NDUFA11: variants seen among roughly 807,000 people sequenced by gnomAD.
NDUFA11 encodes the protein NADH dehydrogenase [ubiquinone] 1 alpha subcomplex subunit 11.
NDUFA11 carries 14 observed loss-of-function variants against 11.3 expected under a neutral mutation model. The observed-to-expected ratio is 1.24, with a 90% confidence interval of 0.82 to 1.94. NDUFA11 has a LOEUF of 1.94. Ranked by LOEUF, NDUFA11 falls within the 30% of genes most tolerant of loss-of-function variation. The probability of loss-of-function intolerance (pLI) is 0.00; values close to 1 mark genes in which losing one functional copy is unlikely to be tolerated. For missense variants in NDUFA11, 204 were observed against 200.3 expected, an observed-to-expected ratio of 1.02 and a Z score of -0.11; for synonymous variants, 87 against 85.6, an observed-to-expected ratio of 1.02 and a Z score of -0.09.
At chr19:5,901,746 T>C (rs1261191309) in intron 1 of NDUFA11, among the ~76,000 whole-genome samples, 1 of 151,476 alleles carries the variant, frequency 6.6e-6, no homozygotes, top group Non-Finnish European at 1.5e-5. Context: ...CTCGGCTCAC[T>C]GCAAGCTCCG....
chr19:5,896,782 CG>C lies in NDUFA11; in HGVS notation c.190+122del, dbSNP rs533341024. On this transcript the variant is annotated intron_variant, in intron 2 of 3. Transcript: ENST00000308961. The surrounding 1 kb of genome is among the most constrained non-coding windows in gnomAD (Gnocchi z 5.8). ...TGATAAAGGAACACCCCACTTTCTC[CG>C]GATGGCCAGCACTGTGGACACGGGC... 5.3e-4 allele frequency: 634 copies of C among 1,187,300 alleles called. 2 individuals are homozygous for C. In the African/African-American group the frequency reaches 8.2e-3, roughly 15 times the overall value. 73.5% of individuals were successfully genotyped at this position (1,187,300 alleles called of 1,614,324 possible). A position where few individuals can be genotyped will look rare whatever the true frequency, so the allele number is the denominator to read the frequency against.
chr19:5,897,764 G>T (rs2057620001), intron 1 of NDUFA11, among the ~76,000 whole-genome samples: 1 of 152,226 alleles, frequency 6.6e-6, no homozygotes, highest in Non-Finnish European at 1.5e-5. Flanking sequence ...GGTAGGTGGT[G>T]GGGACGGAGG....
At chr19:5,902,869 G>C (rs2144962863) in intron 1 of NDUFA11, among the ~76,000 whole-genome samples, 1 of 152,256 alleles carries the variant, frequency 6.6e-6, no homozygotes, top group African/African-American at 2.4e-5. Flanking sequence ...TAATTAGCCA[G>C]GCGCGGTGGC....
In NDUFA11 at chr19:5,903,767, C is replaced by T. The variant is rs1163879670; in HGVS notation, c.-59G>A. On this transcript the variant is annotated 5_prime_UTR_variant, in exon 1 of 4. Coordinates refer to ENST00000308961, the MANE Select transcript of NDUFA11 (RefSeq NM_175614.5). ...GCCAGCTCGGGAAGCGCAAGGGCAG[C>T]CGCGGCTGGCTATCGCGAGACTTCT... is the stretch of plus-strand genomic sequence containing the variant. 11 of 1,517,582 alleles carry T rather than the reference C, an allele frequency of 7.2e-6. No homozygotes were observed. Among genetic ancestry groups the T allele is most frequent in the East Asian group, 2.5e-5 (1 of 40,744 alleles). 94.0% of individuals were successfully genotyped at this position (1,517,582 alleles called of 1,614,324 possible). A position where few individuals can be genotyped will look rare whatever the true frequency, so the allele number is the denominator to read the frequency against.
At chr19:5,893,613 T>A (rs554927989), downstream of NDUFA11, among the ~76,000 whole-genome samples, 87 of 151,982 alleles carry the variant, frequency 5.7e-4, no homozygotes, top group African/African-American at 1.7e-3. This position sits in a 1 kb window ranked among gnomAD's most constrained non-coding sequence, Gnocchi z 4.1. Context: ...CAACATTTTT[T>A]AAAAAAATTA....
rs902710256 is a variant in NDUFA11, at chr19:5,898,377, G to A, written c.98-1380C>T. ...CATGTTGGTTCTGTCCCTCAAGAGC[G>A]ACTGAGGGGACTCTCACATCCAGCA... On this transcript the variant is annotated intron_variant, in intron 1 of 3. Transcript: ENST00000308961. Among the ~76,000 whole-genome samples the A allele has an allele frequency of 2.0e-5, 3 of 152,296 alleles. No homozygotes were observed. In the East Asian group the frequency reaches 5.8e-4, roughly 29 times the overall value.
intron 1 of NDUFA11, among the ~76,000 whole-genome samples, chr19:5,897,831 G>C (rs2057620502): frequency 6.6e-6 from 1 of 152,186 alleles, no homozygotes; most frequent in African/African-American, 2.4e-5. Context: ...AGTGAGGCTG[G>C]GCAGTCCCTT....
At chr19:5,893,109 C>T (rs549329796), downstream of NDUFA11, 321 of 1,536,072 alleles carry the variant, frequency 2.1e-4, no homozygotes, top group South Asian at 3.2e-4. This position sits in a 1 kb window ranked among gnomAD's most constrained non-coding sequence, Gnocchi z 4.1. Context: ...TGCTGGAACA[C>T]GCGTGGACAT....
chr19:5,894,591 A>T, downstream of NDUFA11: 1 of 1,493,786 alleles, frequency 6.7e-7, no homozygotes, highest in Non-Finnish European at 9.0e-7. Flanking sequence ...AGGGGGCCTT[A>T]TCTTATCTCC....
At position 5,896,345 on chromosome 19, in the gene NDUFA11, G is replaced by T; in HGVS notation, c.313+108C>A. The stretch of plus-strand genomic sequence containing the variant: ...GAAATGGCTGGTGTTCAAGAAGGCT[G>T]CTTTACTTCTTGTCCGGGATGGAAC... On this transcript the variant is annotated intron_variant, in intron 3 of 3. Transcript: ENST00000308961. The surrounding 1 kb of genome is among the most constrained non-coding windows in gnomAD (Gnocchi z 5.8). The T allele has an allele frequency of 2.4e-6, 3 of 1,270,842 alleles. No homozygotes were observed. The highest frequency in any genetic ancestry group is 3.2e-6 in the Non-Finnish European group (3 of 931,650). The allele number at this position is 1,270,842 out of a possible 1,614,324, so 78.7% of individuals were successfully genotyped here. A position where few individuals can be genotyped will look rare whatever the true frequency, so the allele number is the denominator to read the frequency against.
At chr19:5,898,552 C>A (rs1204810381) in intron 1 of NDUFA11, among the ~76,000 whole-genome samples, 1 of 152,184 alleles carries the variant, frequency 6.6e-6, no homozygotes, top group Admixed American at 6.6e-5. Flanking sequence ...CCTACACCAA[C>A]CCCTGGGATT....
intron 1 of NDUFA11, among the ~76,000 whole-genome samples, chr19:5,901,018 AC>A (rs1568432460): frequency 6.6e-6 from 1 of 151,948 alleles, no homozygotes; most frequent in Non-Finnish European, 1.5e-5. Context: ...GCCACTGAGC[AC>A]CCCTAAATCT....
intron 1 of NDUFA11, among the ~76,000 whole-genome samples, chr19:5,899,139 A>G (rs2057628628): frequency 6.7e-6 from 1 of 150,212 alleles, no homozygotes; most frequent in South Asian, 2.1e-4. Context: ...GCTGGAGTCT[A>G]TGAAGATTCT....
rs1036062940 is a variant in NDUFA11, at chr19:5,896,021, G to C, written c.313+432C>G. On this transcript the variant is annotated intron_variant, in intron 3 of 3. Coordinates refer to ENST00000308961, the MANE Select transcript of NDUFA11 (RefSeq NM_175614.5). This position sits in a 1 kb window ranked among gnomAD's most constrained non-coding sequence, Gnocchi z 5.8. Reference sequence around the variant, plus strand: ...CAGGCCAGTGGCAGAGACAGGGGGTGACCTTGGTGACCTGTGTCCTCTGAC... The same window carrying C: ...CAGGCCAGTGGCAGAGACAGGGGGTCACCTTGGTGACCTGTGTCCTCTGAC... 1 of 307,482 alleles carries C rather than the reference G, an allele frequency of 3.3e-6. No homozygotes were observed. Among genetic ancestry groups the C allele is most frequent in the African/African-American group, 2.1e-5 (1 of 47,374 alleles). The allele number at this position is 307,482 out of a possible 1,614,324, so 19.0% of individuals were successfully genotyped here.
chr19:5,896,198 G>T lies in NDUFA11; in HGVS notation c.313+255C>A, dbSNP rs909002260. ...CAGGACTGTACCTGGCATGTGGGAG[G>T]AGCAGTGAGGAGGCCCGTGTGGCTG... On this transcript the variant is annotated intron_variant, in intron 3 of 3. Transcript: ENST00000308961. This position sits in a 1 kb window ranked among gnomAD's most constrained non-coding sequence, Gnocchi z 5.8. The T allele has an allele frequency of 1.7e-6, 1 of 598,954 alleles. No individual in the cohort carries two copies. Among genetic ancestry groups the T allele is most frequent in the Non-Finnish European group, 3.0e-6 (1 of 337,302 alleles). The allele number at this position is 598,954 out of a possible 1,614,324, so 37.1% of individuals were successfully genotyped here. A position where few individuals can be genotyped will look rare whatever the true frequency, so the allele number is the denominator to read the frequency against.
intron 1 of NDUFA11, among the ~76,000 whole-genome samples, chr19:5,900,222 G>C (rs1035162075): frequency 2.0e-5 from 3 of 152,118 alleles, no homozygotes; most frequent in Non-Finnish European, 4.4e-5. Context: ...GAAACTGCTG[G>C]TTTCCTCTGA....
chr19:5,895,135 C>T, intron 3 of NDUFA11: 1 of 460,916 alleles, frequency 2.2e-6, no homozygotes, highest in Non-Finnish European at 4.0e-6. Flanking sequence ...ACCGTGCTGC[C>T]CCCAGCTGGG....
chr19:5,896,096 G>A lies in NDUFA11; in HGVS notation c.313+357C>T. 2.0e-6 allele frequency: 1 copy of A among 492,954 alleles called. No homozygotes were observed. The highest frequency in any genetic ancestry group is 3.1e-5 in the East Asian group (1 of 32,022). 30.5% of individuals were successfully genotyped at this position (492,954 alleles called of 1,614,324 possible). On this transcript the variant is annotated intron_variant, in intron 3 of 3. Coordinates refer to ENST00000308961, the MANE Select transcript of NDUFA11 (RefSeq NM_175614.5). The surrounding 1 kb of genome is among the most constrained non-coding windows in gnomAD (Gnocchi z 5.8). The stretch of plus-strand genomic sequence containing the variant: ...CAGAGCGAGGGCGGCGGGGATGCTG[G>A]CTTGTACACAGGGTGGTCAGGACAG...
chr19:5,897,106 T>C lies in NDUFA11; in HGVS notation c.98-109A>G, dbSNP rs114489799. The C allele has an allele frequency of 3.5e-3, 3,026 of 871,208 alleles. 62 individuals carry two copies. In the African/African-American group the frequency reaches 0.045, roughly 13 times the overall value. 54.0% of individuals were successfully genotyped at this position (871,208 alleles called of 1,614,324 possible). A position where few individuals can be genotyped will look rare whatever the true frequency, so the allele number is the denominator to read the frequency against. ...TCCCTCAGTCCTCACGATGCCCCCC[T>C]TCTTTGCCCATAGTGTCCCCGGCTG... On this transcript the variant is annotated intron_variant, in intron 1 of 3. Coordinates refer to ENST00000308961, the MANE Select transcript of NDUFA11 (RefSeq NM_175614.5).
Sources: allele counts gnomAD v4.1 joint callset (sites outside exome capture counted in the v4.1 genomes callset), GRCh38; gene constraint gnomAD v4.1.1; non-coding constraint Gnocchi (gnomAD v3.1); transcripts MANE v1.5; gene names NCBI Gene and HGNC (gene_info 2026-07-23, HGNC 2026-07-21).